The following KCNG3 variants were observed in gnomAD, a reference collection of about 807,000 sequenced individuals.
KCNG3 encodes the protein potassium voltage-gated channel modifier subfamily G member 3.
KCNG3 carries 15 observed loss-of-function variants against 29.0 expected under a neutral mutation model. The observed-to-expected ratio is 0.52, with a 90% CI of 0.35 to 0.80. The LOEUF (loss-of-function observed/expected upper bound fraction) is 0.80. Among genes scored for constraint, KCNG3 ranks in the 30% least tolerant of loss-of-function variants. The pLI is 0.01. For synonymous variants in KCNG3, 322 were observed against 248.9 expected (o/e 1.29, Z -2.76); for missense variants, 512 against 605.7 (o/e 0.85, Z 1.62).
the KCNG3 span, among the ~76,000 whole-genome samples, chr2:42,425,398 C>CAAAA: frequency 7.0e-4 from 58 of 82,350 alleles, no homozygotes; most frequent in African/African-American, 2.4e-3. Context: ...GACTCCGTCT[C>CAAAA]AAAAAAAAAA....
At chr2:42,456,088 A>G (rs1672868749) in intron 1 of KCNG3, among the ~76,000 whole-genome samples, 1 of 151,996 alleles carries the variant, frequency 6.6e-6, no homozygotes. Context: ...TCATATTTAC[A>G]CTGAAATAGA....
Position 42,443,649 on chromosome 2 carries a change from G to A in KCNG3, c.*285C>T, listed in dbSNP as rs535111492. The A allele has an allele frequency of 1.2e-4, 33 of 286,528 alleles. No individual in the cohort carries two copies. Among genetic ancestry groups the A allele is most frequent in the African/African-American group, 4.5e-4 (21 of 46,262 alleles). The allele number at this position is 286,528 out of a possible 1,614,324, so 17.7% of individuals were successfully genotyped here. A position where few individuals can be genotyped will look rare whatever the true frequency, so the allele number is the denominator to read the frequency against. ...TTCTGTTTTAAAATGTTCAAATAAT[G>A]TATTTTTTAAAAATGTGTAATCATT... On this transcript the variant is annotated 3_prime_UTR_variant, in exon 2 of 2. Coordinates refer to ENST00000306078, the MANE Select transcript of KCNG3 (RefSeq NM_133329.6).
intron 1 of KCNG3, among the ~76,000 whole-genome samples, chr2:42,473,517 T>C (rs1388710846): frequency 6.6e-6 from 1 of 151,804 alleles, no homozygotes; most frequent in African/African-American, 2.4e-5. Flanking sequence ...GCCTGACTAA[T>C]TTTTGTATTT....
At chr2:42,400,727 G>A in the KCNG3 span, among the ~76,000 whole-genome samples, 4 of 151,928 alleles carry the variant, frequency 2.6e-5, no homozygotes, top group Admixed American at 1.3e-4. Context: ...AAAAGTCTTG[G>A]ACCTGCCGGA....
In KCNG3 at chr2:42,442,512, T is replaced by C. The variant is rs1050631599; in HGVS notation, c.*1422A>G. On this transcript the variant is annotated 3_prime_UTR_variant, in exon 2 of 2. Coordinates refer to ENST00000306078, the MANE Select transcript of KCNG3 (RefSeq NM_133329.6). Reference sequence around the variant, plus strand: ...TAGATGATGGCTAAAATTCCTTTAATGAACACTTCTGGTAACCCTTTATTT... The same window carrying C: ...TAGATGATGGCTAAAATTCCTTTAACGAACACTTCTGGTAACCCTTTATTT... 6.6e-6 allele frequency: 1 copy of C among 152,324 alleles called. No individual in the cohort carries two copies. The highest frequency in any genetic ancestry group is 3.4e-3 in the Middle Eastern group (1 of 294). 9.4% of individuals were successfully genotyped at this position (152,324 alleles called of 1,614,324 possible). A position where few individuals can be genotyped will look rare whatever the true frequency, so the allele number is the denominator to read the frequency against.
intron 1 of KCNG3, among the ~76,000 whole-genome samples, chr2:42,481,992 T>C (rs867685121): frequency 2.0e-5 from 3 of 152,316 alleles, no homozygotes; most frequent in South Asian, 4.1e-4. Context: ...ATAACTTACA[T>C]TGTGTTTTTT....
the KCNG3 span, among the ~76,000 whole-genome samples, chr2:42,393,815 C>T: frequency 1.3e-5 from 2 of 151,658 alleles, no homozygotes; most frequent in African/African-American, 4.8e-5. Context: ...GAGTCTCGGT[C>T]TGTCGCCCAG....
intron 1 of KCNG3, among the ~76,000 whole-genome samples, chr2:42,449,116 C>T (rs1672682770): frequency 2.0e-5 from 3 of 152,160 alleles, no homozygotes; most frequent in Non-Finnish European, 2.9e-5. Context: ...CAACATCCTA[C>T]ATGTACCGAG....
chr2:42,461,985 A>C (rs1572850102), intron 1 of KCNG3, among the ~76,000 whole-genome samples: 1 of 152,246 alleles, frequency 6.6e-6, no homozygotes, highest in African/African-American at 2.4e-5. Context: ...TTGAGGTTTC[A>C]ATATTTTATT....
At chr2:42,399,661 G>C in the KCNG3 span, among the ~76,000 whole-genome samples, 1 of 152,202 alleles carries the variant, frequency 6.6e-6, no homozygotes, top group Non-Finnish European at 1.5e-5. Context: ...AAGGGTAAGA[G>C]TGTGGAGACA....
chr2:42,429,961 C>A, the KCNG3 span, among the ~76,000 whole-genome samples: 1 of 152,196 alleles, frequency 6.6e-6, no homozygotes, highest in African/African-American at 2.4e-5. Context: ...CCCATTACCT[C>A]CAGTGACCTG....
intron 1 of KCNG3, among the ~76,000 whole-genome samples, chr2:42,474,752 C>A (rs1244225596): frequency 6.6e-6 from 1 of 152,080 alleles, no homozygotes; most frequent in Non-Finnish European, 1.5e-5. Context: ...AAGTTTTATG[C>A]ACTACATTGT....
chr2:42,431,326 A>G, the KCNG3 span, among the ~76,000 whole-genome samples: 2 of 151,318 alleles, frequency 1.3e-5, no homozygotes, highest in African/African-American at 2.4e-5. Context: ...TTTTTCCCTG[A>G]GCATTTTAAA....
chr2:42,390,220 G>GT, the KCNG3 span, among the ~76,000 whole-genome samples: 1 of 152,056 alleles, frequency 6.6e-6, no homozygotes, highest in Admixed American at 6.6e-5. Flanking sequence ...ATCTTATTTA[G>GT]TTCATTCTTT....
At chr2:42,427,074 A>T in the KCNG3 span, among the ~76,000 whole-genome samples, 1 of 152,236 alleles carries the variant, frequency 6.6e-6, no homozygotes, top group Non-Finnish European at 1.5e-5. Context: ...TCTCAATTCT[A>T]GAAAAAATAA....
intron 1 of KCNG3, among the ~76,000 whole-genome samples, chr2:42,484,259 C>T (rs187314631): frequency 3.3e-3 from 497 of 152,110 alleles, no homozygotes; most frequent in Non-Finnish European, 5.3e-3. Flanking sequence ...GTCAGGAGTT[C>T]GAGACCAGCC....
chr2:42,406,361 A>G, the KCNG3 span, among the ~76,000 whole-genome samples: 1 of 151,914 alleles, frequency 6.6e-6, no homozygotes, highest in South Asian at 2.1e-4. Context: ...CTAGAATTAC[A>G]GGCATGTGCC....
At chr2:42,393,277 A>T in the KCNG3 span, among the ~76,000 whole-genome samples, 3 of 150,238 alleles carry the variant, frequency 2.0e-5, no homozygotes, top group Non-Finnish European at 3.0e-5. Context: ...AAAAAAAAAA[A>T]TGCCCAGGCA....
chr2:42,476,768 G>A (rs1190865018), intron 1 of KCNG3, among the ~76,000 whole-genome samples: 2 of 151,752 alleles, frequency 1.3e-5, no homozygotes, highest in Non-Finnish European at 2.9e-5. Flanking sequence ...GGGATTACAG[G>A]TGTGAGCCAC....
Sources: gnomAD v4.1 joint callset for allele counts (sites outside exome capture counted in the v4.1 genomes callset) on GRCh38, gnomAD v4.1.1 for gene constraint, MANE v1.5 for transcripts, NCBI Gene and HGNC (gene_info 2026-07-23, HGNC 2026-07-21) for gene names.